ART3: variants seen among roughly 807,000 people sequenced by gnomAD.
ART3 encodes ecto-ADP-ribosyltransferase 3.
ART3 carries 49 observed loss-of-function variants against 48.5 expected under a neutral mutation model. The observed-to-expected ratio is 1.01, with a 90% CI of 0.80 to 1.28. The LOEUF is 1.28. ART3 is among the 50% of genes most tolerant of loss of function. ART3 has a pLI of 0.00. For synonymous variants in ART3, 145 were observed against 157.2 expected, an observed-to-expected ratio of 0.92 and a Z score of 0.58; for missense variants, 438 against 454.3, an observed-to-expected ratio of 0.96 and a Z score of 0.33.
chr4:76,112,463 G>C lies in ART3; in HGVS notation c.1114G>C (p.Gly372Arg), dbSNP rs1214607185. ...GGGCAAACTGCTGCTTCCACAGTTT[G>C]GGATGGTCATCATTTTAATCAGTGT... ...SSGKLLLPQF[G>R]MVIILISVSA... The change falls in exon 12 of 12, where the codon GGG (glycine) becomes CGG (arginine). Residue 372 changes from glycine (G) to arginine (R), a missense_variant. Physicochemically the swap from Gly to Arg is moderately radical, Grantham distance 125. Transcript: ENST00000355810. The C allele has an allele frequency of 3.7e-6, 6 of 1,614,100 alleles. No homozygotes were observed. The highest frequency in any genetic ancestry group is 5.1e-6 in the Non-Finnish European group (6 of 1,179,980).
intron 2 of ART3, among the ~76,000 whole-genome samples, chr4:76,078,688 A>G (rs4859418): frequency 0.86 from 130,818 of 152,210 alleles, 56,502 homozygotes; most frequent in African/African-American, 0.89. Flanking sequence ...GTTGTAATGA[A>G]GACAGAATTA....
At chr4:76,017,967 C>T (rs1017104548) in intron 1 of ART3, among the ~76,000 whole-genome samples, 1 of 152,246 alleles carries the variant, frequency 6.6e-6, no homozygotes, top group Non-Finnish European at 1.5e-5. Flanking sequence ...GACCATCTTT[C>T]CTACCTGGTT....
At chr4:76,108,557 T>TA (rs57985973) in intron 11 of ART3, among the ~76,000 whole-genome samples, 32,732 of 147,150 alleles carry the variant, frequency 0.22, 4,120 homozygotes, top group African/African-American at 0.33. Flanking sequence ...TAGCAATGAT[T>TA]AAAAAAAAAA....
chr4:76,096,300 C>T (rs2149646360), intron 3 of ART3, among the ~76,000 whole-genome samples: 2 of 152,312 alleles, frequency 1.3e-5, no homozygotes, highest in South Asian at 4.1e-4. Context: ...AGCCTCAGGG[C>T]ACTGTCCAGA....
At chr4:76,040,448 A>ACACACG (rs1553926440) in intron 1 of ART3, among the ~76,000 whole-genome samples, 7 of 146,510 alleles carry the variant, frequency 4.8e-5, no homozygotes, top group South Asian at 2.2e-4. Flanking sequence ...ACACACACAC[A>ACACACG]CACACACACA....
At chr4:76,032,746 G>A (rs1030925674) in intron 1 of ART3, among the ~76,000 whole-genome samples, 35 of 151,740 alleles carry the variant, frequency 2.3e-4, no homozygotes, top group African/African-American at 7.3e-4. Flanking sequence ...CAGCAGCCTC[G>A]GCTAATTTTT....
At position 76,112,627 on chromosome 4, in the gene ART3, A is replaced by G. The variant is rs1729701802; in HGVS notation, c.*108A>G. On this transcript the variant is annotated 3_prime_UTR_variant, in exon 12 of 12. Coordinates refer to ENST00000355810, the MANE Select transcript of ART3 (RefSeq NM_001130016.3). Reference sequence around the variant, plus strand: ...TTTACGTGTTGGCCAAAGTCACTGGATAAAATGAGAATTGTATATTTGTTA... The same window carrying G: ...TTTACGTGTTGGCCAAAGTCACTGGGTAAAATGAGAATTGTATATTTGTTA... 1 of 1,258,896 alleles carries G rather than the reference A, an allele frequency of 7.9e-7. No individual in the cohort carries two copies. Among genetic ancestry groups the G allele is most frequent in the Admixed American group, 2.6e-5 (1 of 38,030 alleles). 78.0% of individuals were successfully genotyped at this position (1,258,896 alleles called of 1,614,324 possible).
chr4:76,088,539 G>C (rs539399248), intron 3 of ART3, among the ~76,000 whole-genome samples: 1 of 152,072 alleles, frequency 6.6e-6, no homozygotes, highest in Non-Finnish European at 1.5e-5. Context: ...AGATTTATTT[G>C]TTATAAATCT....
intron 1 of ART3, chr4:76,034,353 A>G: frequency 2.4e-6 from 1 of 416,010 alleles, no homozygotes; most frequent in Non-Finnish European, 4.2e-6. Flanking sequence ...CATAAAGATC[A>G]ATACAGACAG....
At chr4:76,104,110 G>A in intron 9 of ART3, 141 bp downstream of exon 9, 1 of 1,008,628 alleles carries the variant, frequency 9.9e-7, no homozygotes, top group Non-Finnish European at 1.5e-6. Context: ...CAAATATTTA[G>A]CTGGGGAAGC....
At chr4:76,079,035 A>C (rs993518229) in intron 2 of ART3, among the ~76,000 whole-genome samples, 1 of 152,062 alleles carries the variant, frequency 6.6e-6, no homozygotes, top group Non-Finnish European at 1.5e-5. Context: ...GAGCCGAAAT[A>C]GTGCCACTGC....
chr4:76,047,502 G>T (rs551115261), intron 1 of ART3, among the ~76,000 whole-genome samples: 2 of 151,968 alleles, frequency 1.3e-5, no homozygotes, highest in Admixed American at 1.3e-4. Flanking sequence ...TCTCATAGCC[G>T]CTCGGGGAAG....
intron 1 of ART3, among the ~76,000 whole-genome samples, chr4:76,033,275 A>G (rs75608184): frequency 0.013 from 2,028 of 152,318 alleles, 41 homozygotes; most frequent in African/African-American, 0.045. Context: ...ACAGGAACAC[A>G]CATTGGGAAG....
intron 1 of ART3, among the ~76,000 whole-genome samples, chr4:76,067,672 A>G (rs1445143437): frequency 6.6e-6 from 1 of 152,240 alleles, no homozygotes; most frequent in African/African-American, 2.4e-5. Context: ...CCCATGTAAA[A>G]CACTAATCTT....
At chr4:76,021,415 G>C (rs1732797766) in intron 1 of ART3, 1 of 153,484 alleles carries the variant, frequency 6.5e-6, no homozygotes, top group African/African-American at 2.4e-5. Flanking sequence ...TACATTTTCA[G>C]ATATTTCTAC....
intron 10 of ART3, chr4:76,105,671 G>A (rs1372673414): frequency 4.7e-6 from 5 of 1,053,230 alleles, no homozygotes; most frequent in South Asian, 5.8e-5. Flanking sequence ...TACACTTTCC[G>A]ATATCCCAGT....
intron 11 of ART3, 50 bp downstream of exon 11, chr4:76,107,843 T>C (rs1286982484): frequency 2.9e-6 from 4 of 1,393,168 alleles, no homozygotes; most frequent in South Asian, 2.7e-5. Context: ...TTCTGTAATA[T>C]AGAAAAAGTG....
chr4:76,040,299 T>C (rs1028156392), intron 1 of ART3, among the ~76,000 whole-genome samples: 3 of 152,198 alleles, frequency 2.0e-5, no homozygotes, highest in Non-Finnish European at 2.9e-5. Context: ...CACTCCAGCC[T>C]GGGTGACCCA....
At chr4:76,047,627 C>T in intron 1 of ART3, among the ~76,000 whole-genome samples, 1 of 151,970 alleles carries the variant, frequency 6.6e-6, no homozygotes, top group East Asian at 1.9e-4. Flanking sequence ...ATGTTTACGA[C>T]TCCAGTCCCC....
Sources: allele counts gnomAD v4.1 joint callset (sites outside exome capture counted in the v4.1 genomes callset), GRCh38; gene constraint gnomAD v4.1.1; transcripts MANE v1.5; gene names NCBI Gene and HGNC (gene_info 2026-07-23, HGNC 2026-07-21).